Variants in CTTNBP2 observed in about 807,000 individuals in gnomAD.
CTTNBP2 encodes cortactin binding protein 2, also known as cortactin-binding protein 2.
In CTTNBP2, 108 loss-of-function variants were observed where a neutral mutation model predicts 156.9. The ratio of observed to expected loss-of-function variants is 0.69; its 90% CI spans 0.59 to 0.81. The LOEUF (loss-of-function observed/expected upper bound fraction) is 0.81. Among genes scored for constraint, CTTNBP2 ranks in the 30% least tolerant of loss-of-function variants. The pLI is 0.00. For synonymous variants in CTTNBP2, 767 were observed against 751.8 expected (o/e 1.02, Z -0.33); for missense variants, 1,924 against 2,035.4 (o/e 0.95, Z 1.05).
intron 9 of CTTNBP2, 147 bp from the exon 10 acceptor site, chr7:117,760,857 T>C (rs1797171945): frequency 1.6e-6 from 1 of 623,376 alleles, no homozygotes; most frequent in Admixed American, 3.0e-5. Flanking sequence ...CATTGAACGT[T>C]CTTACACTGG....
chr7:117,792,285 G>C lies in CTTNBP2; in HGVS notation c.911C>G (p.Ser304Cys). ...SVGTEGTVTR[S>C]VACQTDLVTE... is the part of the protein sequence containing the mutation. ...CACTAGGTCTGTCTGGCATGCAACA[G>C]ACCTTGTCACAGTTCCTTCTGTTCC... Residue 304 changes from serine to cysteine, a missense_variant, in exon 4 of 23, where the codon TCT becomes TGT. Transcript: ENST00000160373. The surrounding 1 kb of genome is among the most constrained non-coding windows in gnomAD (Gnocchi z 4.2). 6.2e-7 allele frequency: 1 copy of C among 1,614,208 alleles called. No individual in the cohort carries two copies.
At chr7:117,836,383 C>T (rs899042673) in intron 2 of CTTNBP2, among the ~76,000 whole-genome samples, 7 of 152,054 alleles carry the variant, frequency 4.6e-5, no homozygotes, top group South Asian at 2.1e-4. Flanking sequence ...GCTAACACGA[C>T]GAAACCCTAT....
chr7:117,789,949 T>G (rs556544660), intron 4 of CTTNBP2, among the ~76,000 whole-genome samples: 60 of 152,348 alleles, frequency 3.9e-4, no homozygotes, highest in African/African-American at 1.4e-3. Flanking sequence ...TAATTTCAAG[T>G]TGATAGCTTA....
In CTTNBP2 at chr7:117,711,697, G is replaced by T. The variant is rs767948347; in HGVS notation, c.4832C>A (p.Ser1611Tyr). 9.4e-5 allele frequency: 152 copies of T among 1,613,896 alleles called. No individual in the cohort carries two copies. The highest frequency in any genetic ancestry group is 1.3e-4 in the Non-Finnish European group (151 of 1,179,956). The change falls in exon 23 of 23, where the codon TCT (serine) becomes TAT (tyrosine). Residue 1611 changes from serine to tyrosine, a missense_variant. Transcript: ENST00000160373. The part of the protein sequence containing the change: ...KTELGVSRVK[S>Y]FLPVPRSKVT... Reference sequence around the variant, plus strand: ...TTTACTTCTAGGAACAGGAAGAAAAGATTTAACTCTTGAAACACCCAACTC... The same window carrying T: ...TTTACTTCTAGGAACAGGAAGAAAATATTTAACTCTTGAAACACCCAACTC...
At position 117,767,076 on chromosome 7, in the gene CTTNBP2, T is replaced by G; in HGVS notation, c.2879A>C (p.His960Pro). 6.3e-7 allele frequency: 1 copy of G among 1,590,930 alleles called. No homozygotes were observed. The highest frequency in any genetic ancestry group is 1.1e-5 in the South Asian group (1 of 90,622). ...VHDVATDDCK[H>P]LLENLNALKI... The stretch of plus-strand genomic sequence containing the variant: ...TCACTCACTCAGATTCTCCAGCAAA[T>G]GCTTGCAGTCATCAGTGGCAACATC... The change falls in exon 9 of 23, where the codon CAT (histidine) becomes CCT (proline). Residue 960 changes from histidine to proline, a missense_variant. His to Pro is a moderately conservative substitution (Grantham distance 77, BLOSUM62 -2). Transcript: ENST00000160373.
At chr7:117,798,004 T>C (rs1387859664) in intron 3 of CTTNBP2, among the ~76,000 whole-genome samples, 1 of 152,112 alleles carries the variant, frequency 6.6e-6, no homozygotes, top group Non-Finnish European at 1.5e-5. Context: ...AGGCACATCA[T>C]AGTAAAACTG....
At chr7:117,793,596 G>T (rs570388314) in intron 3 of CTTNBP2, 1 of 152,356 alleles carries the variant, frequency 6.6e-6, no homozygotes, top group East Asian at 1.9e-4. Context: ...TGACCTGTGG[G>T]AGGGTGAGTA....
At position 117,728,271 on chromosome 7, in the gene CTTNBP2, G is replaced by C. The variant is rs775596496; in HGVS notation, c.3877-4C>G. On this transcript the variant is annotated splice_polypyrimidine_tract_variant and splice_region_variant and intron_variant, in intron 16 of 22. Coordinates refer to ENST00000160373, the MANE Select transcript of CTTNBP2 (RefSeq NM_033427.3). ...GGGAGGGCGCCTGACCTTTGAACTA[G>C]AGAGACAGGGAGGTGGAACCCAGGG... The C allele has an allele frequency of 6.2e-7, 1 of 1,600,912 alleles. No homozygotes were observed. The highest frequency in any genetic ancestry group is 8.5e-7 in the Non-Finnish European group (1 of 1,172,954).
chr7:117,830,282 C>G (rs918685724), intron 2 of CTTNBP2, among the ~76,000 whole-genome samples: 1 of 152,174 alleles, frequency 6.6e-6, no homozygotes, highest in African/African-American at 2.4e-5. Flanking sequence ...ATTGAATGTA[C>G]TTCTAAAGCT....
At chr7:117,743,354 T>A (rs541696494) in intron 14 of CTTNBP2, among the ~76,000 whole-genome samples, 1 of 152,162 alleles carries the variant, frequency 6.6e-6, no homozygotes, top group Admixed American at 6.6e-5. Flanking sequence ...GGAAAAATGA[T>A]GTTTTGGCAC....
intron 2 of CTTNBP2, among the ~76,000 whole-genome samples, chr7:117,823,943 T>G (rs923629330): frequency 8.8e-6 from 1 of 114,268 alleles, no homozygotes; most frequent in Non-Finnish European, 1.8e-5. Context: ...CTAAGGAATC[T>G]TTCAGGTCTT....
intron 2 of CTTNBP2, among the ~76,000 whole-genome samples, chr7:117,829,624 C>T (rs1276982579): frequency 1.3e-5 from 2 of 152,204 alleles, no homozygotes; most frequent in African/African-American, 4.8e-5. Flanking sequence ...TCCTGTTTCT[C>T]ACTATCTCCC....
chr7:117,824,683 GC>G (rs1801172717), intron 2 of CTTNBP2, among the ~76,000 whole-genome samples: 1 of 152,194 alleles, frequency 6.6e-6, no homozygotes, highest in Admixed American at 6.5e-5. Context: ...CTCACTCCCA[GC>G]AATCTGCCTC....
intron 2 of CTTNBP2, among the ~76,000 whole-genome samples, chr7:117,817,361 A>ATAAATAAATAAATATATAGATATATATAT (rs1298639361): frequency 1.9e-5 from 1 of 53,286 alleles, no homozygotes; most frequent in Non-Finnish European, 3.4e-5. Flanking sequence ...AAAAAAAAAA[A>ATAAATAAATAAATATATAGATATATATAT]ATATATATAT....
intron 22 of CTTNBP2, among the ~76,000 whole-genome samples, chr7:117,717,007 GCTTA>G (rs1401747661): frequency 0.052 from 20 of 386 alleles, no homozygotes; most frequent in South Asian, 0.31. Flanking sequence ...TCCCAAGGTG[GCTTA>G]CAATCAATCA....
At chr7:117,803,391 G>C (rs1404476582) in intron 3 of CTTNBP2, among the ~76,000 whole-genome samples, 2 of 152,120 alleles carry the variant, frequency 1.3e-5, no homozygotes, top group African/African-American at 4.8e-5. Flanking sequence ...CTCCAAAAGA[G>C]GGGAAAGGGG....
intron 8 of CTTNBP2, among the ~76,000 whole-genome samples, chr7:117,768,438 C>T (rs1172292557): frequency 6.6e-5 from 10 of 151,158 alleles, no homozygotes; most frequent in South Asian, 2.1e-4. Flanking sequence ...TTGTGGTGGG[C>T]GCCTGTAATC....
At chr7:117,817,361 A>AAAAAAAAT (rs1554437688) in intron 2 of CTTNBP2, among the ~76,000 whole-genome samples, 3 of 53,284 alleles carry the variant, frequency 5.6e-5, no homozygotes, top group African/African-American at 7.5e-5. Context: ...AAAAAAAAAA[A>AAAAAAAAT]ATATATATAT....
chr7:117,724,534 C>A lies in CTTNBP2; in HGVS notation c.4447+13G>T, dbSNP rs1406939866. 6.2e-7 allele frequency: 1 copy of A among 1,603,182 alleles called. No homozygotes were observed. Among genetic ancestry groups the A allele is most frequent in the South Asian group, 1.1e-5 (1 of 90,044 alleles). ...ACCTCCTGGTAGGCAACATGCCTACCCCCGCCCTTTACCTTCAGTGCTTAG... is the reference window on the plus strand; with the variant it reads ...ACCTCCTGGTAGGCAACATGCCTACACCCGCCCTTTACCTTCAGTGCTTAG... On this transcript the variant is annotated intron_variant, in intron 19 of 22. Transcript: ENST00000160373.
Sources: allele counts gnomAD v4.1 joint callset (sites outside exome capture counted in the v4.1 genomes callset), GRCh38; gene constraint gnomAD v4.1.1; non-coding constraint Gnocchi (gnomAD v3.1); transcripts MANE v1.5; gene names NCBI Gene and HGNC (gene_info 2026-07-23, HGNC 2026-07-21).